Variants in DOK6 observed in about 807,000 individuals in gnomAD.
DOK6 encodes the protein downstream of tyrosine kinase 6.
A neutral mutation model predicts 44.0 loss-of-function variants in DOK6; 22 were observed. The ratio of observed to expected loss-of-function variants is 0.50; its 90% confidence interval spans 0.36 to 0.71. The LOEUF is 0.71. DOK6 is among the 30% of genes least tolerant of loss of function. The pLI, the probability that DOK6 is intolerant of heterozygous loss-of-function variation, is 0.00. For missense variants in DOK6, 340 were observed against 416.4 expected, an observed-to-expected ratio of 0.82 and a Z score of 1.60; for synonymous variants, 166 against 145.5, an observed-to-expected ratio of 1.14 and a Z score of -1.01.
intron 1 of DOK6, among the ~76,000 whole-genome samples, chr18:69,423,418 T>A (rs1978550645): frequency 6.6e-6 from 1 of 152,222 alleles, no homozygotes; most frequent in Non-Finnish European, 1.5e-5. Flanking sequence ...TCTGTGTTAC[T>A]ACCTAAGACT....
chr18:69,696,988 T>C (rs1438706854), intron 4 of DOK6, among the ~76,000 whole-genome samples: 1 of 152,222 alleles, frequency 6.6e-6, no homozygotes, highest in African/African-American at 2.4e-5. Context: ...TCCATACACA[T>C]ATTAGTTTCA....
chr18:69,828,435 T>A (rs1207294902), intron 7 of DOK6, among the ~76,000 whole-genome samples: 1 of 151,842 alleles, frequency 6.6e-6, no homozygotes, highest in East Asian at 1.9e-4. Flanking sequence ...GAGATCGCAG[T>A]TGTAGAAAAT....
intron 1 of DOK6, among the ~76,000 whole-genome samples, chr18:69,470,616 T>C (rs545904152): frequency 1.4e-5 from 2 of 144,572 alleles, no homozygotes; most frequent in South Asian, 4.9e-4. Context: ...TGCCCCTTTC[T>C]TCCCCACCCT....
intron 1 of DOK6, among the ~76,000 whole-genome samples, chr18:69,536,148 A>T (rs1457253636): frequency 6.6e-6 from 1 of 152,172 alleles, no homozygotes. Flanking sequence ...CTTCAAGGAT[A>T]TAAGAAAGGA....
At chr18:69,784,799 A>T (rs1179653672) in intron 7 of DOK6, among the ~76,000 whole-genome samples, 2 of 152,194 alleles carry the variant, frequency 1.3e-5, no homozygotes, top group African/African-American at 4.8e-5. Flanking sequence ...TTAATGAGAG[A>T]TTCATCAGAT....
chr18:69,510,461 T>C (rs533544362), intron 1 of DOK6, among the ~76,000 whole-genome samples: 1 of 152,322 alleles, frequency 6.6e-6, no homozygotes, highest in East Asian at 1.9e-4. Context: ...ATGCCCAGTA[T>C]TTTTTAAAAG....
At chr18:69,479,747 GA>G (rs1980366892) in intron 1 of DOK6, among the ~76,000 whole-genome samples, 1 of 152,178 alleles carries the variant, frequency 6.6e-6, no homozygotes, top group South Asian at 2.1e-4. Flanking sequence ...ACCATGAGCA[GA>G]AAAAAGGTAT....
At chr18:69,758,349 C>G (rs1211985622) in intron 7 of DOK6, among the ~76,000 whole-genome samples, 3 of 152,172 alleles carry the variant, frequency 2.0e-5, no homozygotes, top group African/African-American at 7.2e-5. Flanking sequence ...ATACAGAAAC[C>G]ATTCGGAAAG....
intron 5 of DOK6, among the ~76,000 whole-genome samples, chr18:69,719,349 A>G (rs1244540578): frequency 1.3e-5 from 2 of 152,208 alleles, no homozygotes; most frequent in Non-Finnish European, 1.5e-5. Context: ...GTTCCTTGGT[A>G]TGAGTCACAG....
chr18:69,523,604 T>C (rs555409089), intron 1 of DOK6, among the ~76,000 whole-genome samples: 1 of 152,176 alleles, frequency 6.6e-6, no homozygotes, highest in East Asian at 1.9e-4. Context: ...AAAAACATTT[T>C]CACTTTAATA....
At chr18:69,667,308 A>T (rs1985684816) in intron 3 of DOK6, among the ~76,000 whole-genome samples, 1 of 152,188 alleles carries the variant, frequency 6.6e-6, no homozygotes, top group African/African-American at 2.4e-5. Flanking sequence ...ACCTAAAAAA[A>T]ATTACAAAAT....
chr18:69,412,340 A>G (rs1317763156), intron 1 of DOK6, among the ~76,000 whole-genome samples: 1 of 152,154 alleles, frequency 6.6e-6, no homozygotes, highest in Non-Finnish European at 1.5e-5. Flanking sequence ...TCTCAAAACA[A>G]GTTATCTACC....
At chr18:69,431,005 T>A (rs1376908596) in intron 1 of DOK6, among the ~76,000 whole-genome samples, 1 of 152,118 alleles carries the variant, frequency 6.6e-6, no homozygotes, top group Non-Finnish European at 1.5e-5. Context: ...ATGTCAATTT[T>A]CCTAGCTCAG....
At chr18:69,542,417 T>C (rs1011990464) in intron 1 of DOK6, among the ~76,000 whole-genome samples, 3 of 151,440 alleles carry the variant, frequency 2.0e-5, no homozygotes, top group African/African-American at 7.3e-5. Context: ...TTATTATTAC[T>C]GAAAGTCAAG....
intron 1 of DOK6, among the ~76,000 whole-genome samples, chr18:69,473,029 CAT>C (rs1444975409): frequency 6.6e-6 from 1 of 152,172 alleles, no homozygotes; most frequent in Non-Finnish European, 1.5e-5. Context: ...GAGAGAAAAA[CAT>C]ATTTTATGTT....
intron 7 of DOK6, among the ~76,000 whole-genome samples, chr18:69,773,003 C>A (rs1979934091): frequency 6.6e-6 from 1 of 151,842 alleles, no homozygotes; most frequent in Admixed American, 6.6e-5. Flanking sequence ...GCAAAAAACA[C>A]CTACACTAAT....
intron 7 of DOK6, among the ~76,000 whole-genome samples, chr18:69,758,079 A>G (rs1349240670): frequency 1.3e-5 from 2 of 152,232 alleles, no homozygotes; most frequent in East Asian, 3.8e-4. Context: ...AATATTTCAA[A>G]AATTACTGTG....
chr18:69,612,400 T>TGTGTGCGAGGGCGCAG (rs1984166460), intron 3 of DOK6, among the ~76,000 whole-genome samples: 2 of 137,140 alleles, frequency 1.5e-5, no homozygotes, highest in Non-Finnish European at 3.2e-5. Flanking sequence ...GAAGAGACTT[T>TGTGTGCGAGGGCGCAG]GTGTGCGAGG....
intron 1 of DOK6, among the ~76,000 whole-genome samples, chr18:69,506,698 A>G (rs1981195945): frequency 6.6e-6 from 1 of 152,120 alleles, no homozygotes; most frequent in African/African-American, 2.4e-5. Flanking sequence ...GTGAGTAAAC[A>G]TTTCACATAC....
Sources: allele counts gnomAD v4.1 joint callset (sites outside exome capture counted in the v4.1 genomes callset), GRCh38; gene constraint gnomAD v4.1.1; transcripts MANE v1.5; gene names NCBI Gene and HGNC (gene_info 2026-07-23, HGNC 2026-07-21).